GRM5: variants seen among roughly 807,000 people sequenced by gnomAD.
GRM5 encodes metabotropic glutamate receptor 5.
Under a neutral mutation model 83.1 loss-of-function variants are expected in GRM5, and 19 were observed. The ratio of observed to expected loss-of-function variants is 0.23; its 90% confidence interval spans 0.16 to 0.34. The LOEUF (loss-of-function observed/expected upper bound fraction) is 0.34. Ranked by LOEUF, GRM5 falls within the 10% of genes least tolerant of loss-of-function variation. GRM5 has a pLI of 1.00. For synonymous variants in GRM5, 675 were observed against 633.6 expected, an observed-to-expected ratio of 1.07 and a Z score of -0.98; for missense variants, 1,160 against 1,588.3, an observed-to-expected ratio of 0.73 and a Z score of 4.58.
intron 8 of GRM5, among the ~76,000 whole-genome samples, chr11:88,546,938 G>T (rs1035191517): frequency 6.6e-6 from 1 of 151,952 alleles, no homozygotes; most frequent in Non-Finnish European, 1.5e-5. Flanking sequence ...AAATGGGGAG[G>T]TATTGAATAT....
At chr11:88,823,788 G>A (rs1943845169) in intron 3 of GRM5, among the ~76,000 whole-genome samples, 1 of 152,070 alleles carries the variant, frequency 6.6e-6, no homozygotes, top group Non-Finnish European at 1.5e-5. Flanking sequence ...CCACATTTCA[G>A]TATAGTGCCT....
intron 2 of GRM5, among the ~76,000 whole-genome samples, chr11:88,994,445 TTATATATATATA>T (rs58154444): frequency 0.025 from 2,131 of 86,946 alleles, 54 homozygotes; most frequent in African/African-American, 0.071. Flanking sequence ...CTTTAACTGA[TTATATATATATA>T]TATATATATA....
chr11:88,658,467 T>G (rs1939823350), intron 3 of GRM5, among the ~76,000 whole-genome samples: 1 of 152,176 alleles, frequency 6.6e-6, no homozygotes. Flanking sequence ...AGCATCACTG[T>G]GTGTTGAAAT....
chr11:88,993,097 C>T (rs971283619), intron 2 of GRM5, among the ~76,000 whole-genome samples: 3 of 150,654 alleles, frequency 2.0e-5, no homozygotes, highest in Non-Finnish European at 4.4e-5. Flanking sequence ...AAACCCACCT[C>T]TACTGAAAAT....
chr11:88,681,522 A>G (rs1311954660), intron 3 of GRM5, among the ~76,000 whole-genome samples: 2 of 130,964 alleles, frequency 1.5e-5, no homozygotes, highest in African/African-American at 2.9e-5. Flanking sequence ...TTTCTGGATC[A>G]TATTTCCCCT....
At chr11:88,643,144 C>T (rs920035299) in intron 4 of GRM5, among the ~76,000 whole-genome samples, 12 of 152,060 alleles carry the variant, frequency 7.9e-5, no homozygotes, top group African/African-American at 1.2e-4. Flanking sequence ...GGAAGCATAG[C>T]GCTGGCACCT....
At chr11:88,941,569 G>C (rs1349527528) in intron 2 of GRM5, among the ~76,000 whole-genome samples, 2 of 98,122 alleles carry the variant, frequency 2.0e-5, no homozygotes, top group African/African-American at 7.5e-5. Flanking sequence ...GAGAGGAGGA[G>C]AGGAGGAGAG....
chr11:88,930,338 C>T (rs2135645519), intron 2 of GRM5, among the ~76,000 whole-genome samples: 1 of 152,100 alleles, frequency 6.6e-6, no homozygotes, highest in East Asian at 2.0e-4. Context: ...TGCTTGAGCT[C>T]AGGAGCTGGA....
chr11:88,663,039 A>G (rs572816597), intron 3 of GRM5, among the ~76,000 whole-genome samples: 28 of 152,302 alleles, frequency 1.8e-4, no homozygotes, highest in African/African-American at 6.7e-4. Context: ...TAATTTTGTT[A>G]TAATTTGTTA....
intron 7 of GRM5, among the ~76,000 whole-genome samples, chr11:88,585,483 G>A (rs1285565021): frequency 6.6e-6 from 1 of 152,054 alleles, no homozygotes. Context: ...ATTTACCATA[G>A]TTTACCAGGC....
intron 3 of GRM5, among the ~76,000 whole-genome samples, chr11:88,798,317 T>C (rs916909511): frequency 1.3e-4 from 20 of 152,188 alleles, no homozygotes; most frequent in African/African-American, 4.8e-4. Context: ...CCAATTAATC[T>C]TTCATCTATC....
At chr11:88,993,106 A>G (rs530866073) in intron 2 of GRM5, among the ~76,000 whole-genome samples, 20 of 151,878 alleles carry the variant, frequency 1.3e-4, no homozygotes, top group South Asian at 1.2e-3. Flanking sequence ...TCTACTGAAA[A>G]TACAAAAAAA....
intron 2 of GRM5, among the ~76,000 whole-genome samples, chr11:89,028,600 C>A (rs1241219139): frequency 1.3e-5 from 2 of 152,008 alleles, no homozygotes; most frequent in African/African-American, 4.8e-5. Flanking sequence ...GTCAGAAAGA[C>A]AAAAACAAAT....
chr11:89,063,653 G>A (rs1419707718), intron 1 of GRM5: 1 of 152,446 alleles, frequency 6.6e-6, no homozygotes, highest in East Asian at 1.9e-4. Context: ...CGAGCTGAGG[G>A]CGGCGTGTGC....
chr11:88,571,788 T>C (rs1196074842), intron 7 of GRM5, among the ~76,000 whole-genome samples: 1 of 152,050 alleles, frequency 6.6e-6, no homozygotes, highest in Non-Finnish European at 1.5e-5. Context: ...AAATATATCA[T>C]CTCAAGGGCA....
intron 3 of GRM5, among the ~76,000 whole-genome samples, chr11:88,725,739 C>A (rs547289511): frequency 2.6e-5 from 4 of 152,272 alleles, no homozygotes; most frequent in East Asian, 3.9e-4. Context: ...AATACCTAGG[C>A]AAACAGGGCC....
intron 2 of GRM5, among the ~76,000 whole-genome samples, chr11:89,023,511 T>C (rs944119920): frequency 6.6e-6 from 1 of 152,020 alleles, no homozygotes; most frequent in Non-Finnish European, 1.5e-5. Context: ...GCCATGCGTG[T>C]TCATCATTTC....
At chr11:89,010,183 A>T (rs1192141862) in intron 2 of GRM5, among the ~76,000 whole-genome samples, 2 of 151,974 alleles carry the variant, frequency 1.3e-5, no homozygotes, top group Non-Finnish European at 2.9e-5. Context: ...ATGGCCTATT[A>T]TACACGATTA....
At chr11:88,954,307 G>A (rs1408161547) in intron 2 of GRM5, among the ~76,000 whole-genome samples, 4 of 151,970 alleles carry the variant, frequency 2.6e-5, no homozygotes, top group Non-Finnish European at 5.9e-5. Flanking sequence ...TTGACCTCAT[G>A]AGCCCTCCAA....
Sources: allele counts gnomAD v4.1 joint callset (sites outside exome capture counted in the v4.1 genomes callset), GRCh38; gene constraint gnomAD v4.1.1; transcripts MANE v1.5; gene names NCBI Gene and HGNC (gene_info 2026-07-23, HGNC 2026-07-21).